RYR2: variants seen among roughly 807,000 people sequenced by gnomAD.
RYR2 encodes the protein ryanodine receptor 2.
Under a neutral mutation model 601.1 loss-of-function variants are expected in RYR2, and 227 were observed. The observed-to-expected ratio is 0.38, with a 90% confidence interval of 0.34 to 0.42. The LOEUF (loss-of-function observed/expected upper bound fraction) is 0.42. RYR2 is among the 10% of genes least tolerant of loss of function. RYR2 has a pLI of 1.00. For synonymous variants in RYR2, 2,223 were observed against 2,175.1 expected, an observed-to-expected ratio of 1.02 and a Z score of -0.61; for missense variants, 4,646 against 6,156.5, an observed-to-expected ratio of 0.75 and a Z score of 8.21.
intron 2 of RYR2, among the ~76,000 whole-genome samples, chr1:237,293,747 A>C (rs552419675): frequency 6.6e-6 from 1 of 152,322 alleles, no homozygotes; most frequent in Non-Finnish European, 1.5e-5. Context: ...CAGAGCTCCC[A>C]TGTCCTGTCC....
chr1:237,831,119 C>T (rs1663731298), intron 103 of RYR2, among the ~76,000 whole-genome samples: 1 of 152,160 alleles, frequency 6.6e-6, no homozygotes, highest in Admixed American at 6.5e-5. Context: ...TATTCTTACT[C>T]ATTTTCCGAC....
intron 1 of RYR2, among the ~76,000 whole-genome samples, chr1:237,088,491 G>A (rs556269312): frequency 4.6e-5 from 7 of 152,212 alleles, no homozygotes; most frequent in South Asian, 2.1e-4. Context: ...AATGCTTTTC[G>A]CAATTTATTA....
intron 12 of RYR2, among the ~76,000 whole-genome samples, chr1:237,428,912 T>G (rs1025485335): frequency 2.0e-5 from 3 of 152,022 alleles, no homozygotes; most frequent in Non-Finnish European, 2.9e-5. Flanking sequence ...TCAAGTCACC[T>G]TTTCTCAGTT....
chr1:237,624,221 G>A (rs953769376), intron 39 of RYR2, among the ~76,000 whole-genome samples: 2 of 152,130 alleles, frequency 1.3e-5, no homozygotes, highest in African/African-American at 2.4e-5. Context: ...ACAAAGTTTC[G>A]GTTATACAAG....
intron 1 of RYR2, among the ~76,000 whole-genome samples, chr1:237,243,596 T>C (rs900980376): frequency 6.6e-6 from 1 of 152,114 alleles, no homozygotes; most frequent in Non-Finnish European, 1.5e-5. Flanking sequence ...TGGAAGCTTC[T>C]TGATGTTGGC....
chr1:237,313,335 T>G lies in RYR2; in HGVS notation c.169-17543T>G, dbSNP rs189517117. Among the ~76,000 whole-genome samples the G allele has an allele frequency of 2.9e-3, 444 of 152,298 alleles. 1 individual carries two copies. The highest frequency in any genetic ancestry group is 0.01 in the Middle Eastern group (3 of 294). ...GACTTGGTGATTAAGTTAAGGATTT[T>G]GGGGAGATTTTCCTTGATTATCTGG... On this transcript the variant is annotated intron_variant, in intron 2 of 104. Coordinates refer to ENST00000366574, the MANE Select transcript of RYR2 (RefSeq NM_001035.3).
At chr1:237,820,932 T>G (rs555668520) in intron 101 of RYR2, among the ~76,000 whole-genome samples, 1 of 152,316 alleles carries the variant, frequency 6.6e-6, no homozygotes, top group African/African-American at 2.4e-5. Flanking sequence ...TGGAGCCCAC[T>G]GCAGCTCAGC....
intron 2 of RYR2, among the ~76,000 whole-genome samples, chr1:237,307,719 G>A (rs1694016813): frequency 6.6e-6 from 1 of 152,162 alleles, no homozygotes; most frequent in Non-Finnish European, 1.5e-5. Context: ...TGTAGATCCT[G>A]AAAATTATGG....
chr1:237,732,760 G>A (rs929630617), intron 78 of RYR2, among the ~76,000 whole-genome samples: 5 of 152,170 alleles, frequency 3.3e-5, no homozygotes, highest in Admixed American at 6.6e-5. Context: ...CTGTCATTAC[G>A]GAGGGCAATG....
intron 1 of RYR2, among the ~76,000 whole-genome samples, chr1:237,265,490 T>G (rs952311253): frequency 2.0e-5 from 3 of 151,652 alleles, no homozygotes; most frequent in African/African-American, 7.3e-5. Context: ...CCCGGCTAAT[T>G]TTTGTATTTT....
At chr1:237,565,117 T>C (rs80216520) in intron 27 of RYR2, among the ~76,000 whole-genome samples, 2,085 of 16,906 alleles carry the variant, frequency 0.12, 515 homozygotes, top group South Asian at 0.32. Context: ...TTCTTTCTTT[T>C]TCTTTCTTTC....
At chr1:237,654,522 A>G in intron 52 of RYR2, 108 bp downstream of exon 52, 1 of 1,060,240 alleles carries the variant, frequency 9.4e-7, no homozygotes, top group Non-Finnish European at 1.3e-6. Context: ...TAACCAAGAC[A>G]CGTATGGCTT....
intron 19 of RYR2, 110 bp from the exon 20 acceptor site, chr1:237,496,401 C>T: frequency 1.4e-6 from 2 of 1,455,322 alleles, no homozygotes; most frequent in Non-Finnish European, 1.9e-6. Flanking sequence ...GAGCAAGACT[C>T]TGTCTCAATA....
At chr1:237,199,072 G>A (rs907428686) in intron 1 of RYR2, among the ~76,000 whole-genome samples, 8 of 152,168 alleles carry the variant, frequency 5.3e-5, no homozygotes, top group African/African-American at 1.7e-4. Context: ...CCTTGCCGGG[G>A]TCCTGCAGAG....
At chr1:237,557,322 C>A (rs1425197779) in intron 27 of RYR2, among the ~76,000 whole-genome samples, 1 of 152,138 alleles carries the variant, frequency 6.6e-6, no homozygotes. Flanking sequence ...TAAATGAAGC[C>A]CACACTTTTT....
chr1:237,408,146 C>G (rs1050667825), intron 10 of RYR2, among the ~76,000 whole-genome samples: 40 of 151,846 alleles, frequency 2.6e-4, no homozygotes, highest in African/African-American at 9.2e-4. Context: ...GCAAGAACAT[C>G]TAGATTTTCT....
rs1301073287 is a variant in RYR2, at chr1:237,833,518, A to G, written c.*871A>G. On this transcript the variant is annotated 3_prime_UTR_variant, in exon 105 of 105. Transcript: ENST00000366574. ...ATGTTTATTATGCAAGTTTAAATGAACAAAGAAAACCTTCAGAAACAAGTT... is the reference window on the plus strand; with the variant it reads ...ATGTTTATTATGCAAGTTTAAATGAGCAAAGAAAACCTTCAGAAACAAGTT... 7.0e-6 allele frequency: 1 copy of G among 142,154 alleles called. No individual in the cohort carries two copies. The highest frequency in any genetic ancestry group is 2.9e-5 in the African/African-American group (1 of 34,014). 8.8% of individuals were successfully genotyped at this position (142,154 alleles called of 1,614,324 possible).
chr1:237,606,170 C>T (rs2148537888), intron 35 of RYR2, among the ~76,000 whole-genome samples: 1 of 152,094 alleles, frequency 6.6e-6, no homozygotes, highest in African/African-American at 2.4e-5. Flanking sequence ...TCAAACTATA[C>T]TACAAGGCTA....
intron 63 of RYR2, among the ~76,000 whole-genome samples, chr1:237,692,322 C>T (rs1463683225): frequency 2.6e-5 from 4 of 152,168 alleles, no homozygotes; most frequent in Non-Finnish European, 5.9e-5. Context: ...AAACATCTTT[C>T]GCTTGTACTA....
Sources: gnomAD v4.1 joint callset for allele counts (sites outside exome capture counted in the v4.1 genomes callset) on GRCh38, gnomAD v4.1.1 for gene constraint, MANE v1.5 for transcripts, NCBI Gene and HGNC (gene_info 2026-07-23, HGNC 2026-07-21) for gene names.